The following CDH13 variants were observed in gnomAD, a reference collection of about 807,000 sequenced individuals.
CDH13 encodes cadherin 13, also known as cadherin-13.
CDH13 carries 24 observed loss-of-function variants against 63.8 expected under a neutral mutation model. That is an observed-to-expected ratio of 0.38 (90% confidence interval 0.27 to 0.53). The LOEUF (loss-of-function observed/expected upper bound fraction) is 0.53, where lower values mean the gene tolerates loss of function less well. Ranked by LOEUF, CDH13 falls within the 20% of genes least tolerant of loss-of-function variation. The pLI is 0.85. For synonymous variants in CDH13, 503 were observed against 355.3 expected, an observed-to-expected ratio of 1.42 and a Z score of -4.67; for missense variants, 1,049 against 903.1, an observed-to-expected ratio of 1.16 and a Z score of -2.07.
chr16:83,290,187 C>T (rs897715332), intron 5 of CDH13, among the ~76,000 whole-genome samples: 7 of 152,154 alleles, frequency 4.6e-5, no homozygotes, highest in African/African-American at 1.4e-4. Flanking sequence ...TATACCATTA[C>T]GGGAACTAAC....
chr16:83,004,771 G>A (rs576929402), intron 2 of CDH13, among the ~76,000 whole-genome samples: 4 of 152,304 alleles, frequency 2.6e-5, no homozygotes, highest in Non-Finnish European at 5.9e-5. Flanking sequence ...GGGATTACAG[G>A]AGTGAGCTAC....
At chr16:82,725,867 T>C (rs2033066972) in intron 1 of CDH13, among the ~76,000 whole-genome samples, 1 of 152,156 alleles carries the variant, frequency 6.6e-6, no homozygotes, top group African/African-American at 2.4e-5. Flanking sequence ...TTATTGCAGT[T>C]CTCCAGTTAC....
At position 83,067,886 on chromosome 16, in the gene CDH13, T is replaced by C. The variant is rs542470934; in HGVS notation, c.366+35668T>C. Among the ~76,000 whole-genome samples the C allele has an allele frequency of 1.5e-4, 23 of 152,180 alleles. No homozygotes were observed. In the South Asian group the frequency reaches 4.8e-3, roughly 32 times the overall value. On this transcript the variant is annotated intron_variant, in intron 3 of 13. Transcript: ENST00000567109. Reference sequence around the variant, plus strand: ...GCCTCCCATCCCCTCTATCCTCCATTTCGCCACCTGCTCTGGCCAAAAAGT... The same window carrying C: ...GCCTCCCATCCCCTCTATCCTCCATCTCGCCACCTGCTCTGGCCAAAAAGT...
chr16:83,665,924 C>T (rs1264949235), intron 8 of CDH13, among the ~76,000 whole-genome samples: 1 of 152,172 alleles, frequency 6.6e-6, no homozygotes, highest in African/African-American at 2.4e-5. Context: ...ATCCAGGCAG[C>T]CTCATCCTGA....
chr16:83,134,759 GT>G (rs2036209082), intron 4 of CDH13, among the ~76,000 whole-genome samples: 1 of 152,186 alleles, frequency 6.6e-6, no homozygotes, highest in South Asian at 2.1e-4. Context: ...ATTCGCAAGT[GT>G]TGCCCTCCTG....
At chr16:82,685,823 G>A (rs1298088215) in intron 1 of CDH13, among the ~76,000 whole-genome samples, 1 of 152,182 alleles carries the variant, frequency 6.6e-6, no homozygotes, top group African/African-American at 2.4e-5. Flanking sequence ...CTGCTTAGAT[G>A]CCACTTCAGA....
intron 2 of CDH13, among the ~76,000 whole-genome samples, chr16:83,021,192 A>G (rs914193026): frequency 6.6e-6 from 1 of 152,190 alleles, no homozygotes; most frequent in Admixed American, 6.5e-5. Flanking sequence ...AGTTGATGCC[A>G]TCATTCTCAG....
At chr16:82,669,177 A>C (rs995394922) in intron 1 of CDH13, among the ~76,000 whole-genome samples, 4 of 152,196 alleles carry the variant, frequency 2.6e-5, no homozygotes, top group African/African-American at 9.7e-5. Flanking sequence ...AGACCATCGG[A>C]AACCTCTTGA....
intron 10 of CDH13, among the ~76,000 whole-genome samples, chr16:83,742,772 G>A (rs1234974287): frequency 6.6e-6 from 1 of 152,176 alleles, no homozygotes; most frequent in Non-Finnish European, 1.5e-5. Flanking sequence ...CATGTTACAT[G>A]GGTGCTCAGC....
chr16:83,127,545 C>T (rs571017532), intron 4 of CDH13, among the ~76,000 whole-genome samples: 13 of 152,082 alleles, frequency 8.5e-5, no homozygotes, highest in East Asian at 1.9e-4. Flanking sequence ...TCCTGGCCAA[C>T]GTGGCGAAAC....
chr16:83,253,661 C>A (rs1905860695), intron 5 of CDH13, among the ~76,000 whole-genome samples: 1 of 152,142 alleles, frequency 6.6e-6, no homozygotes, highest in South Asian at 2.1e-4. Flanking sequence ...CAGGCTACTG[C>A]CCTTCTGCAA....
chr16:83,774,123 C>T (rs534282587), intron 11 of CDH13, among the ~76,000 whole-genome samples: 8 of 152,304 alleles, frequency 5.3e-5, no homozygotes, highest in Non-Finnish European at 1.2e-4. Flanking sequence ...ATTCGTCCTA[C>T]AGAAATAGTA....
chr16:83,133,594 G>A (rs1226695661), intron 4 of CDH13, among the ~76,000 whole-genome samples: 1 of 152,110 alleles, frequency 6.6e-6, no homozygotes, highest in Non-Finnish European at 1.5e-5. Context: ...TGCCTCCGGG[G>A]TTCAAGAGAT....
intron 11 of CDH13, among the ~76,000 whole-genome samples, chr16:83,761,716 G>A (rs930256058): frequency 6.6e-6 from 1 of 152,134 alleles, no homozygotes; most frequent in Admixed American, 6.5e-5. Context: ...GCGGAACTTA[G>A]CATATTTAAG....
intron 3 of CDH13, among the ~76,000 whole-genome samples, chr16:83,053,837 A>G (rs2030641093): frequency 2.0e-5 from 3 of 152,152 alleles, no homozygotes; most frequent in Non-Finnish European, 4.4e-5. Flanking sequence ...TATGGGAAAC[A>G]CATTTCGAGA....
chr16:82,973,281 C>T (rs932041602), intron 2 of CDH13, among the ~76,000 whole-genome samples: 4 of 152,210 alleles, frequency 2.6e-5, no homozygotes, highest in African/African-American at 9.7e-5. Context: ...CTGCATCCCT[C>T]CTCTTTGCCG....
chr16:83,379,026 C>CGT (rs71382872), intron 6 of CDH13, among the ~76,000 whole-genome samples: 1,951 of 149,194 alleles, frequency 0.013, 24 homozygotes, highest in Non-Finnish European at 0.018. Context: ...CACACACACA[C>CGT]GTGTGTGTAT....
At chr16:83,030,490 A>C (rs1916202778) in intron 2 of CDH13, among the ~76,000 whole-genome samples, 1 of 151,926 alleles carries the variant, frequency 6.6e-6, no homozygotes, top group African/African-American at 2.4e-5. Flanking sequence ...TAAAAATACA[A>C]AAATTAGCCA....
chr16:82,714,316 C>A (rs1216894001), intron 1 of CDH13, among the ~76,000 whole-genome samples: 1 of 152,090 alleles, frequency 6.6e-6, no homozygotes, highest in Non-Finnish European at 1.5e-5. Context: ...TCCCCAGGAT[C>A]TGTAAATGTA....
Sources: allele counts gnomAD v4.1 joint callset (sites outside exome capture counted in the v4.1 genomes callset), GRCh38; gene constraint gnomAD v4.1.1; transcripts MANE v1.5; gene names NCBI Gene and HGNC (gene_info 2026-07-23, HGNC 2026-07-21).